STAP1: variants seen among roughly 807,000 people sequenced by gnomAD.
STAP1 encodes signal-transducing adaptor protein 1.
In STAP1, 30 loss-of-function variants were observed where a neutral mutation model predicts 37.8. That is an observed-to-expected ratio of 0.79 (90% CI 0.59 to 1.08). The LOEUF (loss-of-function observed/expected upper bound fraction) is 1.08, where lower values mean the gene tolerates loss of function less well. Among genes scored for constraint, STAP1 ranks in the 50% least tolerant of loss-of-function variants. The pLI is 0.00. For missense variants in STAP1, 357 were observed against 349.4 expected (o/e 1.02, Z -0.17); for synonymous variants, 130 against 116.0 (o/e 1.12, Z -0.78).
chr4:67,562,200 CAG>C (rs1491362400), intron 1 of STAP1, among the ~76,000 whole-genome samples: 2 of 142,998 alleles, frequency 1.4e-5, no homozygotes, highest in African/African-American at 5.2e-5. Flanking sequence ...AAAAAAAAAA[CAG>C]TGTGTGTGGG....
At chr4:67,569,769 G>A (rs937433600) in intron 1 of STAP1, among the ~76,000 whole-genome samples, 6 of 151,878 alleles carry the variant, frequency 4.0e-5, no homozygotes, top group South Asian at 2.1e-4. Flanking sequence ...TCGCTCTGTC[G>A]CCCAGGCTGG....
chr4:67,591,050 T>C, intron 7 of STAP1, 97 bp downstream of exon 7: 1 of 737,862 alleles, frequency 1.4e-6, no homozygotes, highest in Non-Finnish European at 2.2e-6. Context: ...GAGCCCTGAA[T>C]GTGGCAGATA....
intron 1 of STAP1, among the ~76,000 whole-genome samples, chr4:67,560,229 G>A (rs1376667884): frequency 1.3e-5 from 1 of 75,460 alleles, no homozygotes. Context: ...ATTTTAGAGT[G>A]TCCTTTATCT....
chr4:67,584,281 T>C (rs1415632772), intron 6 of STAP1, among the ~76,000 whole-genome samples: 3 of 152,116 alleles, frequency 2.0e-5, no homozygotes, highest in Non-Finnish European at 4.4e-5. Flanking sequence ...GCAGCTGCTA[T>C]ATGCCAAGCA....
chr4:67,561,000 A>G (rs1037238908), intron 1 of STAP1, among the ~76,000 whole-genome samples: 4 of 152,204 alleles, frequency 2.6e-5, no homozygotes, highest in Admixed American at 2.6e-4. Flanking sequence ...GAGGATGACA[A>G]TAATACCTAC....
At chr4:67,574,188 T>A (rs1727669184) in intron 2 of STAP1, among the ~76,000 whole-genome samples, 1 of 152,092 alleles carries the variant, frequency 6.6e-6, no homozygotes, top group African/African-American at 2.4e-5. Context: ...AAATACACAA[T>A]AGTCTTTATT....
intron 4 of STAP1, among the ~76,000 whole-genome samples, chr4:67,579,380 T>C (rs1316447393): frequency 6.6e-6 from 1 of 152,236 alleles, no homozygotes; most frequent in Non-Finnish European, 1.5e-5. Context: ...CATAACTTAC[T>C]AGCTATTTGA....
intron 4 of STAP1, 42 bp from the exon 5 acceptor site, chr4:67,581,263 T>C (rs781764630): frequency 6.3e-7 from 1 of 1,587,846 alleles, no homozygotes; most frequent in Non-Finnish European, 8.6e-7. Flanking sequence ...TATAAGTTAT[T>C]AAGCTGTTTT....
At chr4:67,561,104 TATC>T (rs1433871819) in intron 1 of STAP1, among the ~76,000 whole-genome samples, 1 of 152,218 alleles carries the variant, frequency 6.6e-6, no homozygotes, top group Non-Finnish European at 1.5e-5. Flanking sequence ...TTTCATCACT[TATC>T]ATACTCTTAT....
chr4:67,582,590 G>T (rs1328708847), intron 5 of STAP1, among the ~76,000 whole-genome samples: 1 of 150,820 alleles, frequency 6.6e-6, no homozygotes, highest in East Asian at 1.9e-4. Flanking sequence ...TTACAGGTGT[G>T]AGCCACCATG....
intron 6 of STAP1, among the ~76,000 whole-genome samples, chr4:67,585,975 G>A (rs557795574): frequency 6.6e-6 from 1 of 152,126 alleles, no homozygotes; most frequent in Non-Finnish European, 1.5e-5. Context: ...TTAAGAGAGA[G>A]CAGATTTTTA....
chr4:67,565,123 A>C (rs1350668791), intron 1 of STAP1, among the ~76,000 whole-genome samples: 1 of 152,188 alleles, frequency 6.6e-6, no homozygotes, highest in African/African-American at 2.4e-5. Context: ...ATAAGCAAAG[A>C]AACAAAACAA....
chr4:67,571,683 G>A (rs1727609435), intron 2 of STAP1, among the ~76,000 whole-genome samples: 2 of 152,130 alleles, frequency 1.3e-5, no homozygotes, highest in Admixed American at 1.3e-4. Context: ...TTCAAATTTT[G>A]ATTGTATGTT....
intron 2 of STAP1, among the ~76,000 whole-genome samples, chr4:67,573,523 G>A (rs1727650298): frequency 6.6e-6 from 1 of 152,146 alleles, no homozygotes; most frequent in Non-Finnish European, 1.5e-5. Context: ...AACTCACTGA[G>A]CTTGATCTAG....
chr4:67,601,604 G>C (rs1728343329), intron 8 of STAP1, among the ~76,000 whole-genome samples: 1 of 152,164 alleles, frequency 6.6e-6, no homozygotes, highest in African/African-American at 2.4e-5. Context: ...CATGTTTGAA[G>C]GATATTTTCA....
At chr4:67,584,674 T>C (rs1727941839) in intron 6 of STAP1, among the ~76,000 whole-genome samples, 1 of 148,808 alleles carries the variant, frequency 6.7e-6, no homozygotes, top group Non-Finnish European at 1.5e-5. Flanking sequence ...GCAGCAAATG[T>C]GTATGCCTTG....
intron 6 of STAP1, among the ~76,000 whole-genome samples, chr4:67,588,308 C>A (rs1728035318): frequency 1.3e-5 from 2 of 152,196 alleles, no homozygotes; most frequent in South Asian, 4.1e-4. Context: ...ACCTTGTTGA[C>A]CTTTGCCACT....
intron 2 of STAP1, among the ~76,000 whole-genome samples, chr4:67,573,075 T>A (rs1727641286): frequency 6.6e-6 from 1 of 152,158 alleles, no homozygotes; most frequent in African/African-American, 2.4e-5. Context: ...AGGTGAGAAG[T>A]GTAGATTTTT....
intron 8 of STAP1, among the ~76,000 whole-genome samples, chr4:67,602,490 G>C (rs1728365384): frequency 6.6e-6 from 1 of 152,088 alleles, no homozygotes; most frequent in African/African-American, 2.4e-5. Context: ...TCTTGGAAAG[G>C]TTTTCCCAGT....
Sources: gnomAD v4.1 joint callset for allele counts (sites outside exome capture counted in the v4.1 genomes callset) on GRCh38, gnomAD v4.1.1 for gene constraint, MANE v1.5 for transcripts, NCBI Gene and HGNC (gene_info 2026-07-23, HGNC 2026-07-21) for gene names.